The following ANKRD36 variants were observed in gnomAD, a reference collection of about 807,000 sequenced individuals.
ANKRD36 encodes ankyrin repeat domain 36.
Under a neutral mutation model 278.1 loss-of-function variants are expected in ANKRD36, and 179 were observed. The ratio of observed to expected loss-of-function variants is 0.64; its 90% CI spans 0.57 to 0.73. The LOEUF (loss-of-function observed/expected upper bound fraction) is 0.73. Among genes scored for constraint, ANKRD36 ranks in the 30% least tolerant of loss-of-function variants. The probability of loss-of-function intolerance (pLI) is 0.00; values close to 1 mark genes in which losing one functional copy is unlikely to be tolerated. For synonymous variants in ANKRD36, 320 were observed against 641.1 expected, an observed-to-expected ratio of 0.50 and a Z score of 7.57; for missense variants, 1,159 against 1,956.7, an observed-to-expected ratio of 0.59 and a Z score of 7.69.
At chr2:97,230,987 C>T (rs1309135556) in intron 67 of ANKRD36, among the ~76,000 whole-genome samples, 1 of 152,102 alleles carries the variant, frequency 6.6e-6, no homozygotes, top group Non-Finnish European at 1.5e-5. Context: ...GCTGTGTGAT[C>T]GTTCCTCTGG....
chr2:97,187,151 G>A (rs1217033024), intron 30 of ANKRD36, 47 bp from the exon 31 acceptor site: 2 of 1,606,452 alleles, frequency 1.2e-6, no homozygotes, highest in Non-Finnish European at 1.7e-6. Context: ...TATGGAAAAT[G>A]TATCATATTT....
At chr2:97,153,119 G>T (rs1446943479) in intron 14 of ANKRD36, among the ~76,000 whole-genome samples, 2 of 152,348 alleles carry the variant, frequency 1.3e-5, no homozygotes, top group African/African-American at 2.4e-5. Flanking sequence ...TACTGTGCTT[G>T]GAGAATATCT....
chr2:97,216,918 T>C, intron 62 of ANKRD36: 2 of 878,354 alleles, frequency 2.3e-6, no homozygotes, highest in East Asian at 3.0e-5. Context: ...CACGTTGATA[T>C]TGACACGGTT....
intron 15 of ANKRD36, among the ~76,000 whole-genome samples, chr2:97,156,426 T>G (rs1214006958): frequency 7.3e-6 from 1 of 136,288 alleles, no homozygotes; most frequent in Admixed American, 7.3e-5. Flanking sequence ...TGTGTCCATG[T>G]GATCTCATTG....
At chr2:97,125,311 C>A (rs769410354) in intron 5 of ANKRD36, among the ~76,000 whole-genome samples, 1 of 149,316 alleles carries the variant, frequency 6.7e-6, no homozygotes, top group Non-Finnish European at 1.5e-5. Context: ...TATGCTCAGC[C>A]ATTGTTTCCA....
chr2:97,163,687 T>C (rs1575154500), intron 18 of ANKRD36: 2 of 184,508 alleles, frequency 1.1e-5, no homozygotes, highest in Non-Finnish European at 1.1e-5. Context: ...GCCATTCTCC[T>C]GCTTCAGCCT....
chr2:97,116,861 T>C (rs1461741094), intron 1 of ANKRD36, among the ~76,000 whole-genome samples: 1 of 152,068 alleles, frequency 6.6e-6, no homozygotes, highest in African/African-American at 2.4e-5. Context: ...CCCAACTGTA[T>C]GTATGCATTC....
chr2:97,213,219 T>A (rs910800899), intron 58 of ANKRD36, 200 bp from the exon 59 acceptor site: 1 of 203,390 alleles, frequency 4.9e-6, no homozygotes, highest in Admixed American at 5.8e-5. Flanking sequence ...TTTGAAATTG[T>A]AAGTATATTT....
In ANKRD36 at chr2:97,139,303, TA is replaced by T. The variant is rs572429128; in HGVS notation, c.800-3330del. Among the ~76,000 whole-genome samples the T allele has an allele frequency of 8.6e-3, 1,308 of 151,952 alleles. 24 individuals are homozygous for T. The highest frequency in any genetic ancestry group is 0.03 in the African/African-American group (1,245 of 41,478). ...CAAGAACTTGAATTAAATTTTTTTT[TA>T]AAAAAAGAAAAAGAAATCACCCAAA... is the stretch of plus-strand genomic sequence containing the variant. On this transcript the variant is annotated intron_variant, in intron 6 of 75. Coordinates refer to ENST00000420699, the MANE Select transcript of ANKRD36 (RefSeq NM_001354587.1).
intron 15 of ANKRD36, among the ~76,000 whole-genome samples, chr2:97,155,960 A>G (rs1254759440): frequency 6.8e-6 from 1 of 146,258 alleles, no homozygotes; most frequent in Admixed American, 6.8e-5. Context: ...AATCTATTAA[A>G]TGTCTTGAAT....
intron 67 of ANKRD36, among the ~76,000 whole-genome samples, chr2:97,231,057 G>A (rs548068355): frequency 2.6e-3 from 391 of 152,136 alleles, no homozygotes; most frequent in African/African-American, 9.1e-3. Flanking sequence ...CTACCTGGGG[G>A]TGCCTCCCAG....
chr2:97,194,323 T>G (rs1251365071), intron 38 of ANKRD36, among the ~76,000 whole-genome samples: 1 of 151,612 alleles, frequency 6.6e-6, no homozygotes, highest in African/African-American at 2.4e-5. Context: ...TGTAGTATAA[T>G]GGTGTAAATC....
At position 97,205,956 on chromosome 2, in the gene ANKRD36, A is replaced by G. The variant is rs2062730678; in HGVS notation, c.3078A>G (p.Pro1026=). 3.2e-6 allele frequency: 5 copies of G among 1,556,116 alleles called. No homozygotes were observed. In the East Asian group the frequency reaches 9.5e-5, roughly 29 times the overall value. The part of the protein sequence containing the change: ...EKTRTVSSQK[P]PTLKATSDEE... ...GCTTTTCAGTGTCTTCTCAGAAACCACCAACCTTGAAGGTAATGAAACTCC... is the reference window on the plus strand; with the variant it reads ...GCTTTTCAGTGTCTTCTCAGAAACCGCCAACCTTGAAGGTAATGAAACTCC... The change falls in exon 51 of 76, where the codon CCA becomes CCG. Residue 1026 remains proline (P), a synonymous_variant. Transcript: ENST00000420699.
intron 46 of ANKRD36, among the ~76,000 whole-genome samples, chr2:97,201,845 T>C (rs1453018049): frequency 2.0e-5 from 3 of 152,060 alleles, no homozygotes; most frequent in East Asian, 3.9e-4. Flanking sequence ...TGTGGGATCA[T>C]GTAGCACCTG....
At chr2:97,135,834 C>A (rs2041353501) in intron 6 of ANKRD36, among the ~76,000 whole-genome samples, 1 of 151,942 alleles carries the variant, frequency 6.6e-6, no homozygotes, top group Non-Finnish European at 1.5e-5. Flanking sequence ...GTGTATACAT[C>A]TGGAATTTTA....
At chr2:97,160,568 G>A (rs1219661118) in intron 17 of ANKRD36, among the ~76,000 whole-genome samples, 1 of 152,008 alleles carries the variant, frequency 6.6e-6, no homozygotes, top group African/African-American at 2.4e-5. Flanking sequence ...TAGTGTATTT[G>A]AAGACATGTA....
chr2:97,139,304 A>T (rs114554191), intron 6 of ANKRD36, among the ~76,000 whole-genome samples: 62 of 141,062 alleles, frequency 4.4e-4, no homozygotes, highest in African/African-American at 4.8e-4. Context: ...ATTTTTTTTT[A>T]AAAAAAGAAA....
chr2:97,229,007 T>C (rs1417419106), intron 67 of ANKRD36, among the ~76,000 whole-genome samples: 2 of 152,132 alleles, frequency 1.3e-5, no homozygotes, highest in Non-Finnish European at 2.9e-5. Flanking sequence ...ACAGACACTT[T>C]GTTATACTTT....
Position 97,124,475 on chromosome 2 carries a change from T to C in ANKRD36, c.609T>C (p.His203=). Residue 203 remains histidine (H), a synonymous_variant, in exon 5 of 76, where the codon CAT becomes CAC. Transcript: ENST00000420699. ...GTTATTTTAGATCAGCCCTCATACA[T>C]GCTGTTACTCTTGGAGAAAAAGATA... The part of the protein sequence containing the change: ...IDYLGRSALI[H]AVTLGEKDIV... The C allele has an allele frequency of 1.3e-6, 2 of 1,549,994 alleles. No homozygotes were observed. Among genetic ancestry groups the C allele is most frequent in the Non-Finnish European group, 1.7e-6 (2 of 1,146,158 alleles).
Sources: gnomAD v4.1 joint callset for allele counts (sites outside exome capture counted in the v4.1 genomes callset) on GRCh38, gnomAD v4.1.1 for gene constraint, MANE v1.5 for transcripts, NCBI Gene and HGNC (gene_info 2026-07-23, HGNC 2026-07-21) for gene names.